The following FGF13 variants were observed in gnomAD, a reference collection of about 807,000 sequenced individuals.
FGF13 encodes the protein fibroblast growth factor 13, also known as fibroblast growth factor homologous factor 2.
FGF13 carries 2 observed loss-of-function variants against 19.5 expected under a neutral mutation model. The observed-to-expected ratio is 0.10, with a 90% CI of 0.04 to 0.32. The LOEUF (loss-of-function observed/expected upper bound fraction) is 0.32, where lower values mean the gene tolerates loss of function less well. Among genes scored for constraint, FGF13 ranks in the 10% least tolerant of loss-of-function variants. FGF13 has a pLI of 1.00. For missense variants in FGF13, 113 were observed against 192.7 expected (o/e 0.59, Z 2.45); for synonymous variants, 72 against 76.9 (o/e 0.94, Z 0.33).
At chrX:138,978,700 C>T (rs1400546354) in intron 1 of FGF13, among the ~76,000 whole-genome samples, 1 of 112,099 alleles carries the variant, frequency 8.9e-6, no homozygotes, top group African/African-American at 3.2e-5. Context: ...TCAATCATCA[C>T]AACTCATTTT....
chrX:138,983,414 T>TATATATA (rs2091972165), intron 1 of FGF13, among the ~76,000 whole-genome samples: 2 of 81,196 alleles, frequency 2.5e-5, no homozygotes, highest in Non-Finnish European at 4.8e-5. Context: ...TAAGTTGATC[T>TATATATA]TATATATATA....
rs923804826 is a variant in FGF13 at position 138,616,394 on chromosome X, T to A, written c.*16456A>T. 6 of 112,782 alleles carry A rather than the reference T, an allele frequency of 5.3e-5. No homozygotes were observed. Among genetic ancestry groups the A allele is most frequent in the Non-Finnish European group, 1.1e-4 (6 of 53,369 alleles). The allele number at this position is 112,782 out of a possible 1,213,427, so 9.3% of individuals were successfully genotyped here. A position where few individuals can be genotyped will look rare whatever the true frequency, so the allele number is the denominator to read the frequency against. On this transcript the variant is annotated 3_prime_UTR_variant, in exon 5 of 5. Transcript: ENST00000315930. Reference sequence around the variant, plus strand: ...AAGTTCCAAAATGATCTCCTTAGGCTCCATGTCTCACATCTATCCAGGTCA... The same window carrying A: ...AAGTTCCAAAATGATCTCCTTAGGCACCATGTCTCACATCTATCCAGGTCA...
At position 138,961,015 on chromosome X, in the gene FGF13, C is replaced by T. The variant is rs139517843; in HGVS notation, c.-112-96365G>A. On this transcript the variant is annotated intron_variant, in intron 1 of 2. Transcript: ENST00000421460. ...ATCTTCTGAAGCCTACTTCTGTCAA[C>T]TCGTCAAGGTCATTCTCCGTGCAGC... Among the ~76,000 whole-genome samples, 449 of 111,477 alleles carry T rather than the reference C, an allele frequency of 4.0e-3. 3 individuals are homozygous for T. The highest frequency in any genetic ancestry group is 0.014 in the African/African-American group (428 of 30,681).
At chrX:139,184,508 A>G (rs192608822) in intron 1 of FGF13, among the ~76,000 whole-genome samples, 183 of 111,474 alleles carry the variant, frequency 1.6e-3, no homozygotes, top group African/African-American at 5.7e-3. Flanking sequence ...ACTCAAAACT[A>G]CAGCCATTTA....
At chrX:139,124,332 G>A (rs1348746660) in intron 1 of FGF13, among the ~76,000 whole-genome samples, 4 of 112,293 alleles carry the variant, frequency 3.6e-5, no homozygotes, top group Non-Finnish European at 7.5e-5. Context: ...ATGAATGAAC[G>A]TAGAAATCTT....
chrX:139,029,818 C>T (rs1319816010), intron 1 of FGF13, among the ~76,000 whole-genome samples: 4 of 111,698 alleles, frequency 3.6e-5, no homozygotes, highest in Non-Finnish European at 7.5e-5. Flanking sequence ...AAGTCAAGAT[C>T]TCAGACTGAC....
At chrX:138,774,388 C>G (rs1279435857) in intron 3 of FGF13, among the ~76,000 whole-genome samples, 3 of 111,426 alleles carry the variant, frequency 2.7e-5, no homozygotes, top group Non-Finnish European at 5.6e-5. Context: ...TCACTTAACC[C>G]TTGCTTCAAT....
Position 138,874,580 on chromosome X carries a change from T to C in FGF13, c.-112-9930A>G, listed in dbSNP as rs377280407. Among the ~76,000 whole-genome samples the C allele has an allele frequency of 2.7e-3, 297 of 111,905 alleles. 1 individual carries two copies. The highest frequency in any genetic ancestry group is 9.3e-3 in the African/African-American group (288 of 30,862). ...GCAAAGCGATCATTAGGTGAAGTTA[T>C]GGCAAGCTTGAAAAAGATGTTTTGG... On this transcript the variant is annotated intron_variant, in intron 1 of 2. Transcript: ENST00000421460.
At chrX:139,179,876 A>G (rs1369311760) in intron 1 of FGF13, among the ~76,000 whole-genome samples, 3 of 113,193 alleles carry the variant, frequency 2.7e-5, no homozygotes, top group African/African-American at 9.6e-5. Context: ...ATTTAACTGT[A>G]TGGTCAATAA....
intron 1 of FGF13, among the ~76,000 whole-genome samples, chrX:139,024,069 AT>A (rs200093756): frequency 1.1e-4 from 12 of 109,783 alleles, no homozygotes; most frequent in Non-Finnish European, 7.6e-5. Context: ...CATTAAAACA[AT>A]TTTTTTTTCC....
At chrX:138,846,868 T>TGCC (rs2124119255) in intron 3 of FGF13, among the ~76,000 whole-genome samples, 1 of 111,658 alleles carries the variant, frequency 9.0e-6, no homozygotes, top group South Asian at 3.8e-4. Context: ...TTTCTTTGTA[T>TGCC]GCCGGGACCA....
intron 1 of FGF13, among the ~76,000 whole-genome samples, chrX:138,873,131 C>T (rs1324501354): frequency 9.0e-6 from 1 of 111,639 alleles, no homozygotes; most frequent in Non-Finnish European, 1.9e-5. Flanking sequence ...ATTGGAGAAG[C>T]CTAAATCCTC....
intron 1 of FGF13, among the ~76,000 whole-genome samples, chrX:139,153,385 G>A (rs2083951236): frequency 9.1e-6 from 1 of 109,292 alleles, no homozygotes; most frequent in Non-Finnish European, 1.9e-5. Flanking sequence ...CTCAGAATCA[G>A]GAAATGAAGT....
chrX:139,105,877 C>A (rs1379486735), intron 1 of FGF13, among the ~76,000 whole-genome samples: 1 of 112,003 alleles, frequency 8.9e-6, no homozygotes, highest in African/African-American at 3.2e-5. Flanking sequence ...GGGCTTTTTT[C>A]TCTTACCAAA....
chrX:139,093,735 C>A (rs1461446695), intron 1 of FGF13, among the ~76,000 whole-genome samples: 1 of 111,867 alleles, frequency 8.9e-6, no homozygotes, highest in Non-Finnish European at 1.9e-5. Context: ...TGTTGGGTAG[C>A]ACTCAGGACG....
intron 1 of FGF13, among the ~76,000 whole-genome samples, chrX:139,145,988 A>C (rs1206310685): frequency 1.8e-5 from 2 of 112,119 alleles, no homozygotes; most frequent in African/African-American, 3.2e-5. Context: ...TTAAAGACTT[A>C]AATGTTAGAC....
intron 1 of FGF13, among the ~76,000 whole-genome samples, chrX:139,038,884 A>G (rs974875517): frequency 8.9e-6 from 1 of 112,279 alleles, no homozygotes; most frequent in African/African-American, 3.2e-5. Flanking sequence ...GTAGTGAGCA[A>G]AAGACATAAA....
intron 1 of FGF13, among the ~76,000 whole-genome samples, chrX:138,933,699 T>C (rs773720109): frequency 8.9e-6 from 1 of 111,788 alleles, no homozygotes; most frequent in South Asian, 3.8e-4. Context: ...TTGGTCTTTA[T>C]GCTTCAGGCC....
At chrX:139,035,642 C>T (rs2092248207) in intron 1 of FGF13, among the ~76,000 whole-genome samples, 1 of 111,100 alleles carries the variant, frequency 9.0e-6, no homozygotes, top group Non-Finnish European at 1.9e-5. Flanking sequence ...CCAATACCAC[C>T]CCTACCATAA....
Sources: gnomAD v4.1 joint callset for allele counts (sites outside exome capture counted in the v4.1 genomes callset) on GRCh38, gnomAD v4.1.1 for gene constraint, MANE v1.5 for transcripts, NCBI Gene and HGNC (gene_info 2026-07-23, HGNC 2026-07-21) for gene names.